Variants in MAPK10 observed in about 807,000 individuals in gnomAD.
MAPK10 encodes mitogen-activated protein kinase 10.
Under a neutral mutation model 59.3 loss-of-function variants are expected in MAPK10, and 25 were observed. The ratio of observed to expected loss-of-function variants is 0.42; its 90% CI spans 0.31 to 0.59. The LOEUF is 0.59. Among genes scored for constraint, MAPK10 ranks in the 20% least tolerant of loss-of-function variants. MAPK10 has a pLI of 0.15. For missense variants in MAPK10, 351 were observed against 568.9 expected, an observed-to-expected ratio of 0.62 and a Z score of 3.90; for synonymous variants, 190 against 200.5, an observed-to-expected ratio of 0.95 and a Z score of 0.44.
chr4:86,252,442 T>C (rs1275019840), intron 2 of MAPK10, among the ~76,000 whole-genome samples: 131 of 126,796 alleles, frequency 1.0e-3, no homozygotes, highest in Non-Finnish European at 1.6e-3. Flanking sequence ...CCTTTCCCCA[T>C]TGCTTGTTTT....
chr4:86,304,456 A>G (rs1189342792), intron 2 of MAPK10, among the ~76,000 whole-genome samples: 1 of 142,184 alleles, frequency 7.0e-6, no homozygotes, highest in Admixed American at 7.4e-5. Flanking sequence ...GCAGTGGCGC[A>G]ATCTCGGCTC....
At chr4:86,500,066 A>T (rs1263425790) in intron 1 of MAPK10, among the ~76,000 whole-genome samples, 1 of 152,190 alleles carries the variant, frequency 6.6e-6, no homozygotes, top group East Asian at 1.9e-4. Context: ...ATCTTGCTGA[A>T]TTCCTATCTG....
chr4:86,170,766 T>C (rs1350894096), intron 3 of MAPK10, among the ~76,000 whole-genome samples: 2 of 150,494 alleles, frequency 1.3e-5, no homozygotes. Flanking sequence ...ATCAACAGAA[T>C]ATACATTTTT....
intron 1 of MAPK10, among the ~76,000 whole-genome samples, chr4:86,407,698 AAAAAG>A (rs1744537197): frequency 6.6e-6 from 1 of 152,230 alleles, no homozygotes; most frequent in African/African-American, 2.4e-5. Flanking sequence ...AATAAATTGT[AAAAAG>A]AATAAAGTGA....
At chr4:86,076,253 C>T (rs557421692) in intron 9 of MAPK10, among the ~76,000 whole-genome samples, 49 of 152,262 alleles carry the variant, frequency 3.2e-4, no homozygotes, top group Non-Finnish European at 6.5e-4. Context: ...TGCTTCGGCT[C>T]GCGCACGGTG....
intron 8 of MAPK10, chr4:86,100,427 G>A (rs1317918060): frequency 1.3e-5 from 2 of 152,128 alleles, no homozygotes; most frequent in African/African-American, 2.4e-5. Context: ...TATGAAAGCA[G>A]TAGTGTCAAA....
chr4:86,062,848 T>C (rs2045987495), intron 11 of MAPK10, among the ~76,000 whole-genome samples: 2 of 152,150 alleles, frequency 1.3e-5, no homozygotes, highest in African/African-American at 4.8e-5. Context: ...TTCCCAAGTG[T>C]GGGAGACTGG....
intron 2 of MAPK10, chr4:86,352,267 T>A (rs922545349): frequency 7.1e-6 from 1 of 140,490 alleles, no homozygotes; most frequent in Non-Finnish European, 1.6e-5. Flanking sequence ...GATATTATAT[T>A]TATATTTATA....
chr4:86,549,698 A>G (rs1318437697), intron 1 of MAPK10, among the ~76,000 whole-genome samples: 1 of 152,148 alleles, frequency 6.6e-6, no homozygotes, highest in Admixed American at 6.5e-5. Context: ...AGCATGTTAG[A>G]CCAGGCACGG....
At chr4:86,260,609 A>G (rs938320621) in intron 2 of MAPK10, among the ~76,000 whole-genome samples, 2 of 152,070 alleles carry the variant, frequency 1.3e-5, no homozygotes, top group Admixed American at 6.5e-5. Flanking sequence ...CTGTAGAAAA[A>G]TGTACTACAA....
At chr4:86,148,009 A>G (rs2065423635) in intron 4 of MAPK10, among the ~76,000 whole-genome samples, 2 of 152,240 alleles carry the variant, frequency 1.3e-5, no homozygotes, top group Admixed American at 1.3e-4. Context: ...TACATTATTG[A>G]TAAATTTAAT....
chr4:86,053,592 A>C (rs112402275), intron 11 of MAPK10, among the ~76,000 whole-genome samples: 1 of 152,158 alleles, frequency 6.6e-6, no homozygotes, highest in Non-Finnish European at 1.5e-5. Flanking sequence ...AAAATTTGGT[A>C]AATTTTAGTT....
chr4:86,334,611 T>C (rs1719932112), intron 2 of MAPK10, among the ~76,000 whole-genome samples: 1 of 152,066 alleles, frequency 6.6e-6, no homozygotes, highest in South Asian at 2.1e-4. Flanking sequence ...GACCTTCACA[T>C]ATGCTGTTTC....
intron 1 of MAPK10, among the ~76,000 whole-genome samples, chr4:86,467,977 T>C (rs1486397258): frequency 6.6e-6 from 1 of 152,292 alleles, no homozygotes; most frequent in East Asian, 1.9e-4. Context: ...TAAATTCCCA[T>C]TCTTTGCCTC....
chr4:86,263,181 C>A (rs2094082920), intron 2 of MAPK10, among the ~76,000 whole-genome samples: 1 of 152,148 alleles, frequency 6.6e-6, no homozygotes. Flanking sequence ...CTCAGGAGAT[C>A]ACATTGTCCC....
intron 4 of MAPK10, among the ~76,000 whole-genome samples, chr4:86,144,913 C>T (rs1445084411): frequency 6.6e-6 from 1 of 151,952 alleles, no homozygotes; most frequent in Non-Finnish European, 1.5e-5. Context: ...TCTATGAACA[C>T]AATTGGATAA....
intron 1 of MAPK10, among the ~76,000 whole-genome samples, chr4:86,433,256 T>C (rs531290220): frequency 6.6e-6 from 1 of 152,244 alleles, no homozygotes; most frequent in East Asian, 1.9e-4. Context: ...TTTCTTTTGG[T>C]AATTGCCCTT....
chr4:86,394,984 G>A (rs760236221), intron 1 of MAPK10, among the ~76,000 whole-genome samples: 22 of 152,114 alleles, frequency 1.4e-4, no homozygotes, highest in Non-Finnish European at 2.8e-4. Flanking sequence ...GTGGGGAAAC[G>A]TTGCTCTCCA....
At chr4:86,517,202 G>A (rs1449088389) in intron 1 of MAPK10, among the ~76,000 whole-genome samples, 1 of 147,926 alleles carries the variant, frequency 6.8e-6, no homozygotes, top group Non-Finnish European at 1.5e-5. Context: ...TTTATGTGGT[G>A]TATCATATTT....
Sources: gnomAD v4.1 joint callset for allele counts (sites outside exome capture counted in the v4.1 genomes callset) on GRCh38, gnomAD v4.1.1 for gene constraint, MANE v1.5 for transcripts, NCBI Gene and HGNC (gene_info 2026-07-23, HGNC 2026-07-21) for gene names.